PARN: variants seen among roughly 807,000 people sequenced by gnomAD.
PARN encodes the protein poly(A)-specific ribonuclease.
In PARN, 71 loss-of-function variants were observed where a neutral mutation model predicts 102.8. That is an observed-to-expected ratio of 0.69 (90% CI 0.57 to 0.84). PARN has a LOEUF of 0.84. PARN is among the 40% of genes least tolerant of loss of function. The pLI is 0.00. For synonymous variants in PARN, 261 were observed against 252.9 expected (o/e 1.03, Z -0.30); for missense variants, 782 against 760.9 (o/e 1.03, Z -0.33).
At chr16:14,617,940 C>T (rs1441679278) in intron 5 of PARN, among the ~76,000 whole-genome samples, 1 of 152,150 alleles carries the variant, frequency 6.6e-6, no homozygotes, top group African/African-American at 2.4e-5. Context: ...CTTCCGGACT[C>T]AAGCAATCCT....
rs1972795595 is a variant in PARN, at chr16:14,628,188, T to A, written c.161A>T (p.Tyr54Phe). 2.1e-5 allele frequency: 33 copies of A among 1,595,392 alleles called. No individual in the cohort carries two copies. The highest frequency in any genetic ancestry group is 2.8e-5 in the Non-Finnish European group (33 of 1,163,600). Reference sequence around the variant, plus strand: ...TCCACTTGCCTTTTTAAGCTTCTGATACCTCTCTTCTGGAGTGTCAAAACC... The same window carrying A: ...TCCACTTGCCTTTTTAAGCTTCTGAAACCTCTCTTCTGGAGTGTCAAAACC... ...TNGFDTPEER[Y>F]QKLKKHSMDF... Residue 54 changes from tyrosine to phenylalanine, a missense_variant, in exon 3 of 24, where the codon TAT becomes TTT. Transcript: ENST00000437198.
At position 14,588,742 on chromosome 16, in the gene PARN, T is replaced by G. The variant is rs531843198; in HGVS notation, c.919-2381A>C. Among the ~76,000 whole-genome samples the G allele has an allele frequency of 2.8e-4, 42 of 151,732 alleles. 1 individual carries two copies. In the South Asian group the frequency reaches 6.2e-3, roughly 23 times the overall value. On this transcript the variant is annotated intron_variant, in intron 13 of 23. Transcript: ENST00000437198. ...AAAAAAATTACAAAAATTAGCCAGA[T>G]GTGGTGGCGTACACCTGTAATCCCA...
chr16:14,622,241 A>G (rs1378851551), intron 5 of PARN, among the ~76,000 whole-genome samples: 1 of 152,198 alleles, frequency 6.6e-6, no homozygotes, highest in Non-Finnish European at 1.5e-5. Flanking sequence ...TTGGGAGGAC[A>G]ATTTGAGACA....
chr16:14,523,224 TAC>T (rs35250440), intron 21 of PARN, among the ~76,000 whole-genome samples: 6,770 of 143,790 alleles, frequency 0.047, 136 homozygotes, highest in African/African-American at 0.066. Context: ...AACTAACAAG[TAC>T]ACACACACAC....
chr16:14,462,735 A>G (rs551301433), intron 22 of PARN, among the ~76,000 whole-genome samples: 2 of 152,362 alleles, frequency 1.3e-5, no homozygotes, highest in South Asian at 4.1e-4. Flanking sequence ...TCTGGATAGC[A>G]TGTTTGAATG....
chr16:14,544,191 C>T (rs1031404620), intron 21 of PARN, among the ~76,000 whole-genome samples: 15 of 151,292 alleles, frequency 9.9e-5, no homozygotes, highest in African/African-American at 3.6e-4. Flanking sequence ...GACTCCATCT[C>T]AAAAAAAAGA....
Position 14,548,021 on chromosome 16 carries a change from G to C in PARN, c.1480+4000C>G, listed in dbSNP as rs117275152. ...GCACTTTGGAAGGCCGAAGAGTGCA[G>C]ATCACAAGGTCAGGCATTCGAGACC... is the stretch of plus-strand genomic sequence containing the variant. On this transcript the variant is annotated intron_variant, in intron 21 of 23. Coordinates refer to ENST00000437198, the MANE Select transcript of PARN (RefSeq NM_002582.4). Among the ~76,000 whole-genome samples, 305 of 152,206 alleles carry C rather than the reference G, an allele frequency of 2.0e-3. 2 individuals carry two copies. Among genetic ancestry groups the C allele is most frequent in the Admixed American group, 0.012 (183 of 15,278 alleles).
intron 5 of PARN, among the ~76,000 whole-genome samples, chr16:14,622,418 T>C (rs567016210): frequency 6.6e-6 from 1 of 152,228 alleles, no homozygotes; most frequent in African/African-American, 2.4e-5. Flanking sequence ...AATTAACTGA[T>C]CAAACAAATT....
intron 22 of PARN, among the ~76,000 whole-genome samples, chr16:14,448,828 C>T (rs1961316935): frequency 6.6e-6 from 1 of 152,164 alleles, no homozygotes; most frequent in Admixed American, 6.5e-5. Context: ...TTCATTTGTC[C>T]TCTTTTTCAT....
chr16:14,482,212 T>C (rs747121936), intron 22 of PARN, among the ~76,000 whole-genome samples: 16 of 152,016 alleles, frequency 1.1e-4, no homozygotes, highest in African/African-American at 2.2e-4. Flanking sequence ...GCATGGGCAA[T>C]AGAGCGAGAC....
intron 21 of PARN, among the ~76,000 whole-genome samples, chr16:14,504,212 A>C (rs1964769140): frequency 1.3e-5 from 2 of 152,228 alleles, no homozygotes; most frequent in African/African-American, 4.8e-5. Context: ...ACAAATGTTT[A>C]ATAGTAGGAG....
At chr16:14,528,071 A>G (rs981264382) in intron 21 of PARN, among the ~76,000 whole-genome samples, 2 of 152,246 alleles carry the variant, frequency 1.3e-5, no homozygotes, top group Non-Finnish European at 2.9e-5. Flanking sequence ...ATCTGTGAAT[A>G]ATGAGGACTG....
chr16:14,526,204 T>C (rs1596575696), intron 21 of PARN, among the ~76,000 whole-genome samples: 1 of 140,578 alleles, frequency 7.1e-6, no homozygotes, highest in Admixed American at 7.5e-5. Flanking sequence ...TGAGACGGAG[T>C]CTTGCTCTGT....
intron 5 of PARN, 149 bp downstream of exon 5, chr16:14,626,957 T>C (rs1486181160): frequency 6.4e-6 from 4 of 621,844 alleles, no homozygotes; most frequent in South Asian, 3.9e-5. Context: ...GATAACAGGG[T>C]CATGAATTTA....
intron 23 of PARN, among the ~76,000 whole-genome samples, chr16:14,439,048 G>A (rs1268077557): frequency 2.0e-5 from 3 of 152,182 alleles, no homozygotes; most frequent in Non-Finnish European, 4.4e-5. Context: ...TTACTGGAGT[G>A]TAAGGAATCA....
intron 14 of PARN, among the ~76,000 whole-genome samples, 188 bp from the exon 15 acceptor site, chr16:14,584,979 C>G (rs1056370050): frequency 6.6e-6 from 1 of 152,188 alleles, no homozygotes; most frequent in African/African-American, 2.4e-5. Context: ...GAACCCAGCA[C>G]CAGCATCCCT....
At chr16:14,625,118 C>A (rs1273084843) in intron 5 of PARN, among the ~76,000 whole-genome samples, 1 of 152,160 alleles carries the variant, frequency 6.6e-6, no homozygotes, top group Non-Finnish European at 1.5e-5. Flanking sequence ...TTAAATAATT[C>A]TGTGTTGCTG....
intron 21 of PARN, among the ~76,000 whole-genome samples, chr16:14,543,602 T>A (rs1475355626): frequency 6.6e-6 from 1 of 152,170 alleles, no homozygotes; most frequent in Non-Finnish European, 1.5e-5. Flanking sequence ...TGAAATGGTA[T>A]AATATGAACT....
intron 21 of PARN, among the ~76,000 whole-genome samples, chr16:14,533,588 C>G (rs1012006875): frequency 6.6e-6 from 1 of 152,172 alleles, no homozygotes; most frequent in African/African-American, 2.4e-5. Context: ...CACGTGCCCT[C>G]TGTTTCAGTC....
Sources: gnomAD v4.1 joint callset for allele counts (sites outside exome capture counted in the v4.1 genomes callset) on GRCh38, gnomAD v4.1.1 for gene constraint, MANE v1.5 for transcripts, NCBI Gene and HGNC (gene_info 2026-07-23, HGNC 2026-07-21) for gene names.